Variants in ENOPH1 observed in about 807,000 individuals in gnomAD.
The protein encoded by ENOPH1 is enolase-phosphatase 1.
ENOPH1 carries 14 observed loss-of-function variants against 31.1 expected under a neutral mutation model. The observed-to-expected ratio is 0.45, with a 90% confidence interval of 0.30 to 0.70. ENOPH1 has a LOEUF of 0.70. ENOPH1 is among the 30% of genes least tolerant of loss of function. The probability of loss-of-function intolerance (pLI) is 0.09; values close to 1 mark genes in which losing one functional copy is unlikely to be tolerated. For missense variants in ENOPH1, 243 were observed against 321.5 expected (o/e 0.76, Z 1.87); for synonymous variants, 127 against 123.2 (o/e 1.03, Z -0.21).
In ENOPH1 at chr4:82,451,121, A is replaced by G. The variant is rs773461996; in HGVS notation, c.265A>G (p.Met89Val). The change falls in exon 3 of 6, where the codon ATG becomes GTG. Residue 89 changes from methionine to valine, a missense_variant. Transcript: ENST00000273920. ...GAATGGAGTGGATGATCTGCAACAGATGATCCAGGCCGTGGTAGATAATGT... is the reference window on the plus strand; with the variant it reads ...GAATGGAGTGGATGATCTGCAACAGGTGATCCAGGCCGTGGTAGATAATGT... ...SGNGVDDLQQ[M>V]IQAVVDNVCW... 2 of 1,614,206 alleles carry G rather than the reference A, an allele frequency of 1.2e-6. No individual in the cohort carries two copies. Among genetic ancestry groups the G allele is most frequent in the Non-Finnish European group, 1.7e-6 (2 of 1,180,044 alleles).
rs533983916 is a variant in ENOPH1, at chr4:82,430,603, G to T, written c.-227G>T. On this transcript the variant is annotated 5_prime_UTR_variant, in exon 1 of 6. Transcript: ENST00000273920. The stretch of plus-strand genomic sequence containing the variant: ...CCTGCCCACGTGGTCTCGGGCTCCT[G>T]CCCCGTCCTGCTCACGAGTTCAGGG... 1.3e-5 allele frequency: 7 copies of T among 544,526 alleles called. No homozygotes were observed. The highest frequency in any genetic ancestry group is 2.2e-5 in the South Asian group (1 of 44,554). The allele number at this position is 544,526 out of a possible 1,614,324, so 33.7% of individuals were successfully genotyped here. A position where few individuals can be genotyped will look rare whatever the true frequency, so the allele number is the denominator to read the frequency against.
chr4:82,439,717 A>C (rs914366816), intron 1 of ENOPH1, among the ~76,000 whole-genome samples: 1 of 152,218 alleles, frequency 6.6e-6, no homozygotes, highest in Non-Finnish European at 1.5e-5. Flanking sequence ...TGACATTATC[A>C]GTAAGTTGAG....
intron 1 of ENOPH1, among the ~76,000 whole-genome samples, chr4:82,445,407 T>C (rs1722150021): frequency 6.6e-6 from 1 of 152,216 alleles, no homozygotes; most frequent in Non-Finnish European, 1.5e-5. Context: ...AGTAACACTT[T>C]TGCACTAAAA....
intron 2 of ENOPH1, among the ~76,000 whole-genome samples, chr4:82,448,502 T>C (rs769874780): frequency 2.6e-5 from 4 of 151,872 alleles, no homozygotes; most frequent in Non-Finnish European, 5.9e-5. Flanking sequence ...TTTCAAGTGA[T>C]CTACCCTCCT....
intron 2 of ENOPH1, among the ~76,000 whole-genome samples, chr4:82,448,830 G>A (rs1250010308): frequency 2.0e-5 from 3 of 151,146 alleles, no homozygotes; most frequent in African/African-American, 7.3e-5. Flanking sequence ...AGGCCGAGGC[G>A]GGCGGATCAC....
chr4:82,456,504 G>A (rs1054640298), intron 4 of ENOPH1, among the ~76,000 whole-genome samples: 2 of 152,134 alleles, frequency 1.3e-5, no homozygotes, highest in African/African-American at 4.8e-5. Flanking sequence ...TATTCATGAG[G>A]CAGGTTAGAG....
At chr4:82,458,400 G>A (rs564679405) in intron 5 of ENOPH1, among the ~76,000 whole-genome samples, 3 of 151,978 alleles carry the variant, frequency 2.0e-5, no homozygotes, top group Non-Finnish European at 2.9e-5. Context: ...CTGGCTACTC[G>A]GCTGGGGGCT....
intron 3 of ENOPH1, among the ~76,000 whole-genome samples, chr4:82,454,050 TAAA>T (rs34247093): frequency 1.1e-4 from 15 of 134,844 alleles, no homozygotes; most frequent in Admixed American, 2.2e-4. Context: ...TACAAAAAAT[TAAA>T]AAAAAAAAAA....
chr4:82,458,193 G>A (rs1200783658), intron 5 of ENOPH1, among the ~76,000 whole-genome samples: 1 of 152,170 alleles, frequency 6.6e-6, no homozygotes, highest in Non-Finnish European at 1.5e-5. Context: ...TGCTGAGGCA[G>A]AATGAAAAAC....
chr4:82,460,570 A>G lies in ENOPH1; in HGVS notation c.*450A>G, dbSNP rs1722621152. On this transcript the variant is annotated 3_prime_UTR_variant, in exon 6 of 6. Coordinates refer to ENST00000273920, the MANE Select transcript of ENOPH1 (RefSeq NM_021204.5). ...CATTGCCCTTGTGATTTAGAAGATTATAACAGCTGTATTTCATATTTGCCT... is the reference window on the plus strand; with the variant it reads ...CATTGCCCTTGTGATTTAGAAGATTGTAACAGCTGTATTTCATATTTGCCT... The G allele has an allele frequency of 1.3e-5, 2 of 153,182 alleles. No individual in the cohort carries two copies. The highest frequency in any genetic ancestry group is 4.1e-4 in the South Asian group (2 of 4,890). 9.5% of individuals were successfully genotyped at this position (153,182 alleles called of 1,614,324 possible). A position where few individuals can be genotyped will look rare whatever the true frequency, so the allele number is the denominator to read the frequency against.
At chr4:82,443,177 C>A (rs1722085671) in intron 1 of ENOPH1, among the ~76,000 whole-genome samples, 1 of 152,104 alleles carries the variant, frequency 6.6e-6, no homozygotes, top group Non-Finnish European at 1.5e-5. Flanking sequence ...TGGCTCATGC[C>A]TGTAATGCCA....
At chr4:82,451,409 G>T (rs1289329160) in intron 3 of ENOPH1, among the ~76,000 whole-genome samples, 164 bp downstream of exon 3, 1 of 152,138 alleles carries the variant, frequency 6.6e-6, no homozygotes, top group East Asian at 1.9e-4. Flanking sequence ...TTCAAAACTT[G>T]GCTAAAATAT....
intron 1 of ENOPH1, among the ~76,000 whole-genome samples, chr4:82,431,842 A>G: frequency 6.6e-6 from 1 of 152,230 alleles, no homozygotes; most frequent in Non-Finnish European, 1.5e-5. Context: ...TCCATCTTCC[A>G]AGAAACTGAG....
chr4:82,438,929 A>T (rs902978032), intron 1 of ENOPH1, among the ~76,000 whole-genome samples: 2 of 152,208 alleles, frequency 1.3e-5, no homozygotes, highest in African/African-American at 2.4e-5. Context: ...TTTGAATTTC[A>T]CATTTATCAA....
chr4:82,433,047 C>T (rs1013192753), intron 1 of ENOPH1, among the ~76,000 whole-genome samples: 5 of 152,170 alleles, frequency 3.3e-5, no homozygotes, highest in African/African-American at 9.7e-5. Flanking sequence ...AAGGAGTCCT[C>T]ATTTTTGTAA....
At position 82,460,076 on chromosome 4, in the gene ENOPH1, C is replaced by G. The variant is rs141072695; in HGVS notation, c.742C>G (p.Leu248Val). 3 of 1,614,176 alleles carry G rather than the reference C, an allele frequency of 1.9e-6. No homozygotes were observed. The East Asian group carries it at 6.7e-5, about 36-fold the overall frequency. Residue 248 changes from leucine (L) to valine (V), a missense_variant, in exon 6 of 6, where the codon CTC becomes GTC. Transcript: ENST00000273920. ...LTDDEKTYYSLITSFSELYLP... is the reference protein window; with the variant it reads ...LTDDEKTYYSVITSFSELYLP... ...AGATGATGAGAAGACTTACTACAGC[C>G]TCATCACATCCTTCAGTGAACTATA...
intron 1 of ENOPH1, 122 bp downstream of exon 1, chr4:82,431,035 G>T (rs1459762032): frequency 2.7e-5 from 22 of 816,998 alleles, no homozygotes; most frequent in Non-Finnish European, 4.0e-5. Flanking sequence ...TGCCTCTTGT[G>T]TGGAATGGGG....
intron 4 of ENOPH1, among the ~76,000 whole-genome samples, 184 bp from the exon 5 acceptor site, chr4:82,456,731 A>G (rs1481856061): frequency 2.0e-5 from 3 of 152,230 alleles, no homozygotes; most frequent in Non-Finnish European, 4.4e-5. Flanking sequence ...TCTTCTTCCA[A>G]ATGTCTGTTG....
intron 3 of ENOPH1, among the ~76,000 whole-genome samples, chr4:82,453,705 G>A (rs1722411983): frequency 6.6e-6 from 1 of 152,150 alleles, no homozygotes; most frequent in Non-Finnish European, 1.5e-5. Flanking sequence ...TACAACCCAA[G>A]TTCTTTGTGC....
Sources: gnomAD v4.1 joint callset for allele counts (sites outside exome capture counted in the v4.1 genomes callset) on GRCh38, gnomAD v4.1.1 for gene constraint, MANE v1.5 for transcripts, NCBI Gene and HGNC (gene_info 2026-07-23, HGNC 2026-07-21) for gene names.